The following PKHD1L1 variants were observed in gnomAD, a reference collection of about 807,000 sequenced individuals.
PKHD1L1 encodes the protein PKHD1 like 1, also known as fibrocystin-L.
Under a neutral mutation model 462.9 loss-of-function variants are expected in PKHD1L1, and 434 were observed. The ratio of observed to expected loss-of-function variants is 0.94; its 90% CI spans 0.87 to 1.02. The LOEUF (loss-of-function observed/expected upper bound fraction) is 1.02. Ranked by LOEUF, PKHD1L1 falls within the 50% of genes least tolerant of loss-of-function variation. PKHD1L1 has a pLI of 0.00. For missense variants in PKHD1L1, 5,202 were observed against 5,096.1 expected (o/e 1.02, Z -0.63); for synonymous variants, 1,781 against 1,750.0 (o/e 1.02, Z -0.44).
chr8:109,391,225 G>T (rs544641165), intron 9 of PKHD1L1, among the ~76,000 whole-genome samples: 1 of 152,238 alleles, frequency 6.6e-6, no homozygotes, highest in Admixed American at 6.5e-5. Flanking sequence ...TTACCCACTG[G>T]GAAAATGAGA....
chr8:109,511,556 G>C (rs990551385), intron 71 of PKHD1L1, among the ~76,000 whole-genome samples: 2 of 151,618 alleles, frequency 1.3e-5, no homozygotes, highest in African/African-American at 4.9e-5. Context: ...AGTATTCCAC[G>C]GTGTATATGT....
chr8:109,382,441 A>G (rs761067795), intron 3 of PKHD1L1, 22 bp from the exon 4 acceptor site: 2 of 1,572,810 alleles, frequency 1.3e-6, no homozygotes, highest in African/African-American at 1.4e-5. Context: ...CATGTCTCAT[A>G]TATTCTTCAT....
intron 2 of PKHD1L1, among the ~76,000 whole-genome samples, chr8:109,365,372 G>A (rs1811177935): frequency 6.6e-6 from 1 of 152,014 alleles, no homozygotes; most frequent in Non-Finnish European, 1.5e-5. Flanking sequence ...AGCTAACAAA[G>A]ATATTTAATT....
chr8:109,429,839 C>A, intron 26 of PKHD1L1, 93 bp from the exon 27 acceptor site: 3 of 847,128 alleles, frequency 3.5e-6, no homozygotes, highest in African/African-American at 3.5e-5. Context: ...ATTAGCAAAC[C>A]AACAAAATTC....
chr8:109,498,893 C>T, intron 67 of PKHD1L1, 122 bp downstream of exon 67: 1 of 851,808 alleles, frequency 1.2e-6, no homozygotes, highest in Non-Finnish European at 1.8e-6. Flanking sequence ...GCAATCTGCT[C>T]AATATGACAA....
At chr8:109,520,961 A>C (rs1310031690) in intron 73 of PKHD1L1, among the ~76,000 whole-genome samples, 2 of 152,176 alleles carry the variant, frequency 1.3e-5, no homozygotes, top group East Asian at 3.9e-4. Flanking sequence ...ATAGTAGTGC[A>C]TGGACCTGAA....
rs1423260338 is a variant in PKHD1L1 at position 109,461,811 on chromosome 8, G to A, written c.7286G>A (p.Gly2429Glu). 6.2e-7 allele frequency: 1 copy of A among 1,609,430 alleles called. No individual in the cohort carries two copies. Among genetic ancestry groups the A allele is most frequent in the East Asian group, 2.2e-5 (1 of 44,748 alleles). ...ATQTCLQGKF[G>E]EEIGSDQFGG... ...CAGACCTGTCTCCAAGGAAAGTTTG[G>A]AGAAGAAATAGGAAGTGACCAATTT... The change falls in exon 48 of 78, where the codon GGA becomes GAA. Residue 2429 changes from glycine to glutamate, a missense_variant. Coordinates refer to ENST00000378402, the MANE Select transcript of PKHD1L1 (RefSeq NM_177531.6).
chr8:109,435,292 A>T lies in PKHD1L1; in HGVS notation c.3443A>T (p.Glu1148Val), dbSNP rs1815344028. The T allele has an allele frequency of 6.2e-7, 1 of 1,613,710 alleles. No individual in the cohort carries two copies. Among genetic ancestry groups the T allele is most frequent in the Non-Finnish European group, 8.5e-7 (1 of 1,179,810 alleles). Reference sequence around the variant, plus strand: ...CTAGCACAGAATGTAGGGGGTGAAGAGTTCTACTTTGTTTATCAGAGTCAG... The same window carrying T: ...CTAGCACAGAATGTAGGGGGTGAAGTGTTCTACTTTGTTTATCAGAGTCAG... The part of the protein sequence containing the change: ...VGLAQNVGGE[E>V]FYFVYQSQIS... Residue 1148 changes from glutamate to valine, a missense_variant, in exon 29 of 78, where the codon GAG (glutamate) becomes GTG (valine). This residue lies in a region of PKHD1L1 where 4,497 missense variants were observed against 4,336.8 expected (regional missense o/e 1.04). Coordinates refer to ENST00000378402, the MANE Select transcript of PKHD1L1 (RefSeq NM_177531.6).
rs530865872 is a variant in PKHD1L1, at chr8:109,435,507, GCTGA to G, written c.3505+156_3505+159del. Among the ~76,000 whole-genome samples, 216 of 152,294 alleles carry G rather than the reference GCTGA, an allele frequency of 1.4e-3. 1 individual carries two copies. The highest frequency in any genetic ancestry group is 2.2e-3 in the Non-Finnish European group (150 of 68,018). On this transcript the variant is annotated intron_variant, in intron 29 of 77. Coordinates refer to ENST00000378402, the MANE Select transcript of PKHD1L1 (RefSeq NM_177531.6). ...TTCGAGAAGGTACAGTGATTAAATG[GCTGA>G]CTAATTCTTTTGTTTCTTACAAAGC...
rs748773620 is a variant in PKHD1L1, at chr8:109,507,647, C to G, written c.10995-16C>G. 6.3e-7 allele frequency: 1 copy of G among 1,594,572 alleles called. No homozygotes were observed. Among genetic ancestry groups the G allele is most frequent in the East Asian group, 2.2e-5 (1 of 44,730 alleles). On this transcript the variant is annotated splice_polypyrimidine_tract_variant and intron_variant, in intron 68 of 77. Transcript: ENST00000378402. ...TCTAGAAACAATGAACTGAATAATT[C>G]AACTTTTCTCCACAGTAAGGTCAAT...
At chr8:109,433,959 G>T (rs1815251915) in intron 28 of PKHD1L1, among the ~76,000 whole-genome samples, 1 of 152,144 alleles carries the variant, frequency 6.6e-6, no homozygotes, top group Non-Finnish European at 1.5e-5. Context: ...CATATCCTTT[G>T]CAGGGACATG....
rs748309466 is a variant in PKHD1L1 at position 109,522,208 on chromosome 8, C to T, written c.12054C>T (p.Leu4018=). ...TAGGTCAGATGCAGTTATCTGAACT[C>T]CAGGAAATTGCTGGTTCTCTTGGAC... ...GTTGQMQLSE[L]QEIAGSLGQA... Residue 4018 remains leucine, a synonymous_variant, in exon 74 of 78, where the codon CTC becomes CTT. Transcript: ENST00000378402. 1 of 1,603,632 alleles carries T rather than the reference C, an allele frequency of 6.2e-7. No homozygotes were observed. Among genetic ancestry groups the T allele is most frequent in the Non-Finnish European group, 8.5e-7 (1 of 1,171,586 alleles).
chr8:109,394,142 C>T (rs1272450554), intron 9 of PKHD1L1, among the ~76,000 whole-genome samples: 1 of 142,656 alleles, frequency 7.0e-6, no homozygotes, highest in Non-Finnish European at 1.5e-5. Context: ...CCACTGCACT[C>T]CAGCCTGGCA....
chr8:109,503,280 A>AAAAAACAAAAAAC (rs1197963227), intron 67 of PKHD1L1, among the ~76,000 whole-genome samples: 2 of 690 alleles, frequency 2.9e-3, no homozygotes, highest in Non-Finnish European at 4.6e-3. Context: ...ACCCCATCTC[A>AAAAAACAAAAAAC]AAAAACAAAA....
intron 74 of PKHD1L1, 43 bp from the exon 75 acceptor site, chr8:109,522,701 A>G (rs1820610601): frequency 6.5e-7 from 1 of 1,549,632 alleles, no homozygotes; most frequent in African/African-American, 1.4e-5. Flanking sequence ...TGCTGAGTGT[A>G]GTTTATCATG....
chr8:109,455,854 A>C (rs1816795102), intron 45 of PKHD1L1, among the ~76,000 whole-genome samples: 1 of 152,164 alleles, frequency 6.6e-6, no homozygotes, highest in Admixed American at 6.5e-5. Context: ...CTCAATATAT[A>C]TATACTATGT....
intron 60 of PKHD1L1, among the ~76,000 whole-genome samples, chr8:109,490,592 A>G (rs373608233): frequency 2.9e-4 from 44 of 151,888 alleles, no homozygotes; most frequent in South Asian, 1.9e-3. Flanking sequence ...TAACTCCTTG[A>G]CTAAAGTATT....
intron 39 of PKHD1L1, 97 bp downstream of exon 39, chr8:109,448,488 A>C: frequency 1.5e-6 from 2 of 1,291,672 alleles, no homozygotes; most frequent in Non-Finnish European, 2.0e-6. Flanking sequence ...CAAACACATA[A>C]AATTTCTAGT....
At chr8:109,373,951 G>C (rs1563714569) in intron 2 of PKHD1L1, among the ~76,000 whole-genome samples, 3 of 152,246 alleles carry the variant, frequency 2.0e-5, no homozygotes, top group Admixed American at 6.5e-5. Context: ...AATAGGTGTG[G>C]TGTGGTGCTG....
Sources: gnomAD v4.1 joint callset for allele counts (sites outside exome capture counted in the v4.1 genomes callset) on GRCh38, gnomAD v4.1.1 for gene constraint, gnomAD v4.1.1 regional missense constraint, MANE v1.5 for transcripts, NCBI Gene and HGNC (gene_info 2026-07-23, HGNC 2026-07-21) for gene names.